MATR3: variants seen among roughly 807,000 people sequenced by gnomAD.
MATR3 encodes the protein matrin-3.
Under a neutral mutation model 85.5 loss-of-function variants are expected in MATR3, and 4 were observed. The ratio of observed to expected loss-of-function variants is 0.05; its 90% CI spans 0.02 to 0.11. The LOEUF is 0.11. Among genes scored for constraint, MATR3 ranks in the 10% least tolerant of loss-of-function variants. The pLI, the probability that MATR3 is intolerant of heterozygous loss-of-function variation, is 1.00. For synonymous variants in MATR3, 336 were observed against 343.1 expected (o/e 0.98, Z 0.23); for missense variants, 685 against 1,016.1 (o/e 0.67, Z 4.43).
intron 1 of MATR3, among the ~76,000 whole-genome samples, chr5:139,298,238 CAACTT>C (rs1368772848): frequency 7.2e-5 from 11 of 152,246 alleles, no homozygotes; most frequent in South Asian, 4.1e-4. Flanking sequence ...TTTGAGCACT[CAACTT>C]AAGCAGTAGT....
rs1041521439 is a variant in MATR3, at chr5:139,330,760, G to T, written c.*1365G>T. On this transcript the variant is annotated 3_prime_UTR_variant, in exon 15 of 15. Transcript: ENST00000394805. ...TTCTGCAGCTTTTCAAAATAATTAC[G>T]TAGAGACTCTTGGTATATTGGATTA... 8 of 454,062 alleles carry T rather than the reference G, an allele frequency of 1.8e-5. No individual in the cohort carries two copies. The highest frequency in any genetic ancestry group is 9.3e-5 in the South Asian group (6 of 64,474). 28.1% of individuals were successfully genotyped at this position (454,062 alleles called of 1,614,324 possible).
At position 139,331,506 on chromosome 5, in the gene MATR3, A is replaced by C. The variant is rs1421938802; in HGVS notation, c.*2111A>C. 2.2e-6 allele frequency: 1 copy of C among 454,024 alleles called. No individual in the cohort carries two copies. Among genetic ancestry groups the C allele is most frequent in the Admixed American group, 2.4e-5 (1 of 42,542 alleles). The allele number at this position is 454,024 out of a possible 1,614,324, so 28.1% of individuals were successfully genotyped here. On this transcript the variant is annotated 3_prime_UTR_variant, in exon 15 of 15. Coordinates refer to ENST00000394805, the MANE Select transcript of MATR3 (RefSeq NM_018834.6). ...AAATCAGAAATTATAATAAGCTGTT[A>C]GTGATAAATCTGTAACAGCCCTTCG...
chr5:139,302,152 G>A (rs1189860035), intron 1 of MATR3, among the ~76,000 whole-genome samples: 1 of 151,968 alleles, frequency 6.6e-6, no homozygotes, highest in Non-Finnish European at 1.5e-5. Context: ...TAGTAGAGAC[G>A]GGGTTTCACC....
intron 4 of MATR3, 43 bp downstream of exon 4, chr5:139,315,781 T>C (rs139029243): frequency 2.1e-6 from 3 of 1,450,922 alleles, no homozygotes; most frequent in Admixed American, 1.7e-5. Context: ...AGGAGATCAA[T>C]GTAAGGAATT....
intron 12 of MATR3, among the ~76,000 whole-genome samples, chr5:139,324,904 A>G (rs1755765729): frequency 6.6e-6 from 1 of 152,122 alleles, no homozygotes; most frequent in African/African-American, 2.4e-5. Flanking sequence ...ATAAAGACAA[A>G]GACGCGGCCG....
intron 1 of MATR3, among the ~76,000 whole-genome samples, chr5:139,304,927 G>A (rs56292268): frequency 8.4e-4 from 128 of 152,242 alleles, no homozygotes; most frequent in Non-Finnish European, 1.5e-3. Context: ...ACATGATAGA[G>A]GAACTGTTTT....
At chr5:139,316,495 C>G (rs1392762621) in intron 5 of MATR3, among the ~76,000 whole-genome samples, 1 of 152,132 alleles carries the variant, frequency 6.6e-6, no homozygotes, top group Non-Finnish European at 1.5e-5. Context: ...GACTACCCGC[C>G]TCAGCCTCCA....
In MATR3 at chr5:139,318,949, A is replaced by C. The variant is rs746778185; in HGVS notation, c.1350A>C (p.Ala450=). ...EMATTEDAQA[A]VDYYTTTPAL... The stretch of plus-strand genomic sequence containing the variant: ...CAACCACAGAGGATGCTCAGGCCGC[A>C]GTGGATTATTACACAACCACACCAG... The change falls in exon 8 of 15, where the codon GCA becomes GCC. Residue 450 remains alanine, a synonymous_variant. Transcript: ENST00000394805. The C allele has an allele frequency of 3.1e-6, 5 of 1,614,126 alleles. No individual in the cohort carries two copies. Among genetic ancestry groups the C allele is most frequent in the African/African-American group, 1.3e-5 (1 of 75,064 alleles).
intron 3 of MATR3, among the ~76,000 whole-genome samples, chr5:139,286,208 A>G (rs1753697996): frequency 1.3e-5 from 2 of 152,180 alleles, no homozygotes; most frequent in Admixed American, 6.5e-5. Flanking sequence ...AGCCTTAAAA[A>G]ATGACCTGGT....
Position 139,330,882 on chromosome 5 carries a change from T to A in MATR3, c.*1487T>A. On this transcript the variant is annotated 3_prime_UTR_variant, in exon 15 of 15. Coordinates refer to ENST00000394805, the MANE Select transcript of MATR3 (RefSeq NM_018834.6). ...GCACAGTTCTCTGCAACCTCAGCCT[T>A]TGGGCTCAAATGACCCTCCTACCTC... 2.2e-6 allele frequency: 1 copy of A among 453,804 alleles called. No homozygotes were observed. The highest frequency in any genetic ancestry group is 6.9e-5 in the East Asian group (1 of 14,390). 28.1% of individuals were successfully genotyped at this position (453,804 alleles called of 1,614,324 possible).
chr5:139,281,993 T>A (rs1753548999), intron 3 of MATR3, among the ~76,000 whole-genome samples: 1 of 152,192 alleles, frequency 6.6e-6, no homozygotes, highest in Non-Finnish European at 1.5e-5. Flanking sequence ...TGTTGAAATT[T>A]TGGATCATGC....
At chr5:139,323,108 TA>T in intron 12 of MATR3, 141 bp downstream of exon 12, 1 of 875,570 alleles carries the variant, frequency 1.1e-6, no homozygotes, top group Admixed American at 3.0e-5. Context: ...TATAAACATT[TA>T]AATCTAAACT....
chr5:139,298,727 GTGTC>G (rs1466227347), intron 1 of MATR3, among the ~76,000 whole-genome samples: 1 of 152,170 alleles, frequency 6.6e-6, no homozygotes, highest in Non-Finnish European at 1.5e-5. Context: ...TTTAATGCTT[GTGTC>G]TGTCTTTGTG....
chr5:139,328,655 A>G (rs1755977687), intron 14 of MATR3, among the ~76,000 whole-genome samples: 1 of 152,224 alleles, frequency 6.6e-6, no homozygotes, highest in South Asian at 2.1e-4. Flanking sequence ...CAATGAGTCT[A>G]AAATATTTAC....
chr5:139,284,295 C>T (rs773551216), intron 3 of MATR3, among the ~76,000 whole-genome samples: 2 of 152,122 alleles, frequency 1.3e-5, no homozygotes, highest in African/African-American at 2.4e-5. Context: ...GGAAACTGAA[C>T]GTAGCCTTTA....
chr5:139,318,237 G>A (rs1404973848), intron 7 of MATR3, among the ~76,000 whole-genome samples: 1 of 152,100 alleles, frequency 6.6e-6, no homozygotes, highest in East Asian at 1.9e-4. Flanking sequence ...GTGTTCAAGC[G>A]ATTCTCCTAC....
intron 1 of MATR3, among the ~76,000 whole-genome samples, chr5:139,302,585 A>G (rs990543446): frequency 3.9e-5 from 6 of 152,202 alleles, no homozygotes; most frequent in Admixed American, 2.6e-4. Context: ...TTGAATTGAA[A>G]ATAAGTTGGA....
Position 139,322,453 on chromosome 5 carries a change from T to G in MATR3, c.1735-10T>G. Reference sequence around the variant, plus strand: ...AATGTGTTAACTTCTGCAAAACTTTTGTCTTTTAGATTCCAAACAGAGGCA... The same window carrying G: ...AATGTGTTAACTTCTGCAAAACTTTGGTCTTTTAGATTCCAAACAGAGGCA... On this transcript the variant is annotated splice_polypyrimidine_tract_variant and intron_variant, in intron 10 of 14. Transcript: ENST00000394805. The G allele has an allele frequency of 6.3e-7, 1 of 1,599,490 alleles. No individual in the cohort carries two copies. Among genetic ancestry groups the G allele is most frequent in the African/African-American group, 1.3e-5 (1 of 74,986 alleles).
intron 1 of MATR3, among the ~76,000 whole-genome samples, chr5:139,275,865 T>A (rs1561916027): frequency 2.6e-5 from 4 of 152,168 alleles, no homozygotes; most frequent in Admixed American, 2.0e-4. Context: ...CCCAGTATCA[T>A]TTGGCTAGAC....
Sources: gnomAD v4.1 joint callset for allele counts (sites outside exome capture counted in the v4.1 genomes callset) on GRCh38, gnomAD v4.1.1 for gene constraint, MANE v1.5 for transcripts, NCBI Gene and HGNC (gene_info 2026-07-23, HGNC 2026-07-21) for gene names.